The following TENM2 variants were observed in gnomAD, a reference collection of about 807,000 sequenced individuals.
TENM2 encodes teneurin transmembrane protein 2, also known as teneurin-2.
TENM2 carries 52 observed loss-of-function variants against 245.2 expected under a neutral mutation model. The ratio of observed to expected loss-of-function variants is 0.21; its 90% CI spans 0.17 to 0.27. The LOEUF (loss-of-function observed/expected upper bound fraction) is 0.27, where lower values mean the gene tolerates loss of function less well. TENM2 is among the 10% of genes least tolerant of loss of function. TENM2 has a pLI of 1.00. For missense variants in TENM2, 3,046 were observed against 3,666.8 expected (o/e 0.83, Z 4.37); for synonymous variants, 1,363 against 1,438.9 (o/e 0.95, Z 1.19).
chr5:167,629,751 C>G (rs1778742661), intron 2 of TENM2, among the ~76,000 whole-genome samples: 1 of 152,138 alleles, frequency 6.6e-6, no homozygotes, highest in Non-Finnish European at 1.5e-5. Context: ...AGTAATACAC[C>G]TCCCTGGGAT....
At chr5:167,144,796 A>T in the TENM2 span, among the ~76,000 whole-genome samples, 8 of 152,328 alleles carry the variant, frequency 5.3e-5, no homozygotes, top group East Asian at 1.5e-3. Flanking sequence ...GCTTTAGTGT[A>T]TGCTTTAGTT....
intron 5 of TENM2, among the ~76,000 whole-genome samples, chr5:168,038,616 C>T (rs1787910569): frequency 6.6e-6 from 1 of 152,210 alleles, no homozygotes; most frequent in African/African-American, 2.4e-5. Flanking sequence ...TAGTTGTTAT[C>T]ATAGCTAAGG....
intron 2 of TENM2, among the ~76,000 whole-genome samples, chr5:167,500,901 C>T (rs1769170788): frequency 6.6e-6 from 1 of 152,056 alleles, no homozygotes; most frequent in Non-Finnish European, 1.5e-5. Flanking sequence ...AAATGTCCTC[C>T]TTAGTTTGAC....
At chr5:168,226,679 TTCTC>T (rs1764220654) in intron 24 of TENM2, among the ~76,000 whole-genome samples, 1 of 152,138 alleles carries the variant, frequency 6.6e-6, no homozygotes, top group African/African-American at 2.4e-5. Flanking sequence ...TCCATCCTGA[TTCTC>T]TCTTTTAAGC....
Position 167,286,062 on chromosome 5 carries a change from G to A in TENM2, c.226+999G>A, listed in dbSNP as rs149833168. On this transcript the variant is annotated intron_variant, in intron 1 of 28. Coordinates refer to ENST00000518659, the Ensembl canonical transcript of TENM2. ...ACTTTTTATTACAAAATGTGCATGT[G>A]TGTATATATGTTATTAATTAGCACT... 1.7e-3 allele frequency among the ~76,000 whole-genome samples: 261 copies of A among 152,270 alleles called. 2 individuals carry two copies. Among genetic ancestry groups the A allele is most frequent in the African/African-American group, 5.8e-3 (242 of 41,550 alleles).
At chr5:167,736,625 C>G (rs1175262085) in intron 2 of TENM2, among the ~76,000 whole-genome samples, 1 of 148,942 alleles carries the variant, frequency 6.7e-6, no homozygotes, top group Non-Finnish European at 1.5e-5. Flanking sequence ...AAACTCGACT[C>G]TAATAAATGT....
At chr5:167,846,769 G>A (rs1422378348) in intron 2 of TENM2, among the ~76,000 whole-genome samples, 1 of 152,176 alleles carries the variant, frequency 6.6e-6, no homozygotes, top group Non-Finnish European at 1.5e-5. Flanking sequence ...TTCTCCTTAA[G>A]TGGCACCTTT....
At chr5:167,031,455 T>C in the TENM2 span, among the ~76,000 whole-genome samples, 4 of 152,212 alleles carry the variant, frequency 2.6e-5, no homozygotes, top group African/African-American at 9.6e-5. Context: ...GGTTCTGAAA[T>C]AGGACAACTT....
intron 2 of TENM2, among the ~76,000 whole-genome samples, chr5:167,873,197 A>G (rs919219116): frequency 6.6e-6 from 1 of 152,232 alleles, no homozygotes; most frequent in African/African-American, 2.4e-5. Flanking sequence ...TGAACTTTAT[A>G]ACAAAATTAC....
At chr5:167,733,196 C>T (rs183512153) in intron 2 of TENM2, among the ~76,000 whole-genome samples, 1 of 152,204 alleles carries the variant, frequency 6.6e-6, no homozygotes, top group East Asian at 1.9e-4. Flanking sequence ...CTGTAACATC[C>T]ACTAACTCCT....
At position 167,735,194 on chromosome 5, in the gene TENM2, G is replaced by A. The variant is rs1036099836; in HGVS notation, c.503-140792G>A. ...CATCCAGTGTCTGAAAATCGTGGTC[G>A]TATTTGCTATAACAAATCATTCCCA... On this transcript the variant is annotated intron_variant, in intron 2 of 28. Coordinates refer to ENST00000518659, the Ensembl canonical transcript of TENM2. Among the ~76,000 whole-genome samples, 8 of 152,234 alleles carry A rather than the reference G, an allele frequency of 5.3e-5. No homozygotes were observed. The Middle Eastern group carries it at 0.01, about 194-fold the overall frequency.
Position 167,500,149 on chromosome 5 carries a change from G to T in TENM2, c.502+124676G>T, listed in dbSNP as rs563975698. 3.0e-4 allele frequency among the ~76,000 whole-genome samples: 45 copies of T among 151,626 alleles called. 2 individuals are homozygous for T. Among genetic ancestry groups the T allele is most frequent in the Non-Finnish European group, 6.5e-4 (44 of 67,910 alleles). ...ATTCTGAATTGTGTGTATGTGTGTG[G>T]GTATAGGAGTGTGTGTGACTGTGAG... On this transcript the variant is annotated intron_variant, in intron 2 of 28. Coordinates refer to ENST00000518659, the Ensembl canonical transcript of TENM2.
chr5:167,517,769 G>C (rs552916292), intron 2 of TENM2, among the ~76,000 whole-genome samples: 1 of 152,210 alleles, frequency 6.6e-6, no homozygotes, highest in East Asian at 1.9e-4. Flanking sequence ...TCTTGCAAAG[G>C]CTGATACCAT....
intron 2 of TENM2, among the ~76,000 whole-genome samples, chr5:167,526,216 A>G (rs1279529353): frequency 6.6e-6 from 1 of 152,096 alleles, no homozygotes; most frequent in Non-Finnish European, 1.5e-5. Flanking sequence ...CAAAATCCAG[A>G]TATTAAAAAT....
At chr5:168,211,659 T>C in intron 19 of TENM2, 75 bp from the exon 22 acceptor site, 2 of 994,088 alleles carry the variant, frequency 2.0e-6, no homozygotes, top group Non-Finnish European at 3.0e-6. Flanking sequence ...GAAACAAAAA[T>C]GTTATGTTTG....
intron 7 of TENM2, among the ~76,000 whole-genome samples, chr5:168,081,299 C>T (rs552110262): frequency 1.0e-3 from 155 of 152,200 alleles, no homozygotes; most frequent in Non-Finnish European, 2.0e-3. Flanking sequence ...ATCTTCCTCC[C>T]TCCCTTTATT....
chr5:168,142,517 C>T (rs1346243138), intron 12 of TENM2, among the ~76,000 whole-genome samples: 1 of 152,200 alleles, frequency 6.6e-6, no homozygotes, highest in Non-Finnish European at 1.5e-5. Flanking sequence ...GTTGCTGATA[C>T]TGATGACAGT....
intron 27 of TENM2, among the ~76,000 whole-genome samples, chr5:168,251,960 G>A (rs887842469): frequency 6.6e-6 from 1 of 152,222 alleles, no homozygotes; most frequent in African/African-American, 2.4e-5. Flanking sequence ...GGCGGAGGGG[G>A]CAAGAAGTGG....
chr5:167,011,264 C>A, the TENM2 span, among the ~76,000 whole-genome samples: 1 of 152,166 alleles, frequency 6.6e-6, no homozygotes, highest in Non-Finnish European at 1.5e-5. Context: ...ATGGTAAAAT[C>A]CATAAACGTC....
Sources: allele counts gnomAD v4.1 joint callset (sites outside exome capture counted in the v4.1 genomes callset), GRCh38; gene constraint gnomAD v4.1.1; transcripts MANE v1.5; gene names NCBI Gene and HGNC (gene_info 2026-07-23, HGNC 2026-07-21).